The following ZZEF1 variants were observed in gnomAD, a reference collection of about 807,000 sequenced individuals.
ZZEF1 encodes the protein zinc finger ZZ-type and EF-hand domain containing 1.
Under a neutral mutation model 342.8 loss-of-function variants are expected in ZZEF1, and 157 were observed. That is an observed-to-expected ratio of 0.46 (90% CI 0.40 to 0.52). The LOEUF is 0.52. Ranked by LOEUF, ZZEF1 falls within the 20% of genes least tolerant of loss-of-function variation. ZZEF1 has a pLI of 0.00. For missense variants in ZZEF1, 3,480 were observed against 3,725.6 expected, an observed-to-expected ratio of 0.93 and a Z score of 1.72; for synonymous variants, 1,505 against 1,429.1, an observed-to-expected ratio of 1.05 and a Z score of -1.20.
chr17:4,115,603 C>T (rs1017035623), intron 3 of ZZEF1, among the ~76,000 whole-genome samples: 6 of 152,086 alleles, frequency 3.9e-5, no homozygotes, highest in Non-Finnish European at 8.8e-5. Context: ...GTGAAGGTTT[C>T]GGTGAGCCGG....
At chr17:4,076,380 G>A (rs1305681034) in intron 21 of ZZEF1, 2 of 239,686 alleles carry the variant, frequency 8.3e-6, no homozygotes, top group East Asian at 8.2e-5. Flanking sequence ...TGATCCGCCC[G>A]CCTCGGCCTC....
At position 4,034,166 on chromosome 17, in the gene ZZEF1, T is replaced by A. The variant is rs1407951919; in HGVS notation, c.6433A>T (p.Ile2145Phe). ...TCTACCTCTGCTGGCAAAAGACGGA[T>A]AATTAACTGGCCGAGAAGACCCAGG... The part of the protein sequence containing the change: ...LTLGLLGQLI[I>F]RLLPAEVDAA... The change falls in exon 40 of 55, where the codon ATC becomes TTC. Residue 2145 changes from isoleucine to phenylalanine, a missense_variant. By Grantham distance (21) the Ile-to-Phe change is conservative. Around this residue, in one of 5 missense-constraint regions of ZZEF1, gnomAD observed 1,269 missense variants for 1,342.4 expected, o/e 0.95. Transcript: ENST00000381638. 3.1e-6 allele frequency: 5 copies of A among 1,614,104 alleles called. No individual in the cohort carries two copies. The highest frequency in any genetic ancestry group is 4.2e-6 in the Non-Finnish European group (5 of 1,180,014).
intron 9 of ZZEF1, among the ~76,000 whole-genome samples, chr17:4,097,043 C>G (rs901024644): frequency 1.3e-5 from 2 of 151,900 alleles, no homozygotes; most frequent in African/African-American, 4.8e-5. Flanking sequence ...GGGTGGATCA[C>G]GAGATCAGGA....
intron 2 of ZZEF1, among the ~76,000 whole-genome samples, chr17:4,122,530 C>T (rs1185274066): frequency 6.6e-6 from 1 of 152,056 alleles, no homozygotes; most frequent in African/African-American, 2.4e-5. Flanking sequence ...CAGGCATGCA[C>T]CAACATGCCC....
chr17:4,140,877 A>T (rs1056100776), intron 1 of ZZEF1, among the ~76,000 whole-genome samples: 15 of 150,570 alleles, frequency 1.0e-4, no homozygotes, highest in African/African-American at 3.7e-4. Context: ...CCTGGGGGGA[A>T]AAAAAAAGGA....
chr17:4,085,240 A>G (rs1219482406), intron 16 of ZZEF1, among the ~76,000 whole-genome samples: 1 of 152,200 alleles, frequency 6.6e-6, no homozygotes, highest in Non-Finnish European at 1.5e-5. Flanking sequence ...AAGGGGGGTG[A>G]GGTACACTGT....
At chr17:4,013,668 A>G in intron 51 of ZZEF1, 54 bp from the exon 52 acceptor site, 9 of 1,483,164 alleles carry the variant, frequency 6.1e-6, no homozygotes, top group Non-Finnish European at 8.1e-6. Flanking sequence ...AATAAGTAAT[A>G]TTATTATTAA....
At chr17:4,026,521 TTC>T (rs2056408572) in intron 42 of ZZEF1, among the ~76,000 whole-genome samples, 1 of 151,406 alleles carries the variant, frequency 6.6e-6, no homozygotes, top group Non-Finnish European at 1.5e-5. Flanking sequence ...TCTTTTTTTT[TTC>T]TTTTTTTTTT....
chr17:4,141,081 G>T (rs894402335), intron 1 of ZZEF1, among the ~76,000 whole-genome samples: 8 of 151,904 alleles, frequency 5.3e-5, no homozygotes, highest in African/African-American at 1.9e-4. Flanking sequence ...GCTAATTTTT[G>T]TATTTTTAGT....
intron 2 of ZZEF1, among the ~76,000 whole-genome samples, chr17:4,122,696 A>G (rs573329775): frequency 2.6e-5 from 4 of 151,620 alleles, no homozygotes; most frequent in African/African-American, 9.7e-5. Context: ...GCATTGCTTA[A>G]TTTTAAGCTA....
rs202194161 is a variant in ZZEF1, at chr17:4,082,459, G to A, written c.2692C>T (p.Arg898Cys). 16 of 1,614,072 alleles carry A rather than the reference G, an allele frequency of 9.9e-6. No homozygotes were observed. Among genetic ancestry groups the A allele is most frequent in the Admixed American group, 6.7e-5 (4 of 60,024 alleles). The change falls in exon 17 of 55, where the codon CGT (arginine) becomes TGT (cysteine). Residue 898 changes from arginine to cysteine, a missense_variant. Transcript: ENST00000381638. Reference sequence around the variant, plus strand: ...TACCTAAAATACGTGCACAGTGAACGGAAAGTGAGCTGCAGGGACTGCTTG... The same window carrying A: ...TACCTAAAATACGTGCACAGTGAACAGAAAGTGAGCTGCAGGGACTGCTTG... ...EHKQSLQLTFRSLCTYFSDKD... is the reference protein window; with the variant it reads ...EHKQSLQLTFCSLCTYFSDKD...
At chr17:4,063,966 G>A (rs1299760394) in intron 29 of ZZEF1, among the ~76,000 whole-genome samples, 1 of 151,924 alleles carries the variant, frequency 6.6e-6, no homozygotes, top group Non-Finnish European at 1.5e-5. Context: ...GACCTCGGGT[G>A]ATCCACCTGC....
chr17:4,105,872 AACT>A, intron 6 of ZZEF1, 63 bp from the exon 7 acceptor site: 1 of 1,354,312 alleles, frequency 7.4e-7, no homozygotes, highest in East Asian at 2.3e-5. Flanking sequence ...ACAAAAAATA[AACT>A]GTTAGAAGCT....
intron 12 of ZZEF1, among the ~76,000 whole-genome samples, chr17:4,089,433 C>T (rs868577123): frequency 9.9e-5 from 15 of 152,186 alleles, no homozygotes; most frequent in Admixed American, 7.9e-4. Context: ...AAATATTTAC[C>T]GAGCACCTAC....
intron 39 of ZZEF1, among the ~76,000 whole-genome samples, chr17:4,040,950 G>C (rs1301161091): frequency 7.9e-5 from 12 of 152,192 alleles, no homozygotes; most frequent in Admixed American, 7.9e-4. Flanking sequence ...TATGGAAAAG[G>C]TGCAGCTCTA....
At chr17:4,074,688 G>GTA (rs2057574983) in intron 23 of ZZEF1, among the ~76,000 whole-genome samples, 1 of 152,232 alleles carries the variant, frequency 6.6e-6, no homozygotes, top group African/African-American at 2.4e-5. Flanking sequence ...GTCTGAGGCA[G>GTA]TACTAAACCT....
chr17:4,075,766 C>T (rs372706760), intron 21 of ZZEF1, among the ~76,000 whole-genome samples: 1 of 151,574 alleles, frequency 6.6e-6, no homozygotes, highest in Non-Finnish European at 1.5e-5. Context: ...CACATTCCTA[C>T]CTGGGACACT....
rs75752448 is a variant in ZZEF1, at chr17:4,106,807, G to T, written c.1278-998C>A. Among the ~76,000 whole-genome samples, 905 of 152,238 alleles carry T rather than the reference G, an allele frequency of 5.9e-3. 10 individuals carry two copies. The highest frequency in any genetic ancestry group is 0.02 in the African/African-American group (840 of 41,520). On this transcript the variant is annotated intron_variant, in intron 6 of 54. Transcript: ENST00000381638. ...TGAATGTACCATGAAAAATTTCAAG[G>T]TATTCTGTGAATGTATCAAAAGTAA...
intron 40 of ZZEF1, chr17:4,033,298 C>A (rs2056590544): frequency 1.0e-5 from 3 of 293,476 alleles, no homozygotes; most frequent in Non-Finnish European, 1.9e-5. Context: ...AGTGAGACAG[C>A]ACCAGATGTA....
Sources: gnomAD v4.1 joint callset for allele counts (sites outside exome capture counted in the v4.1 genomes callset) on GRCh38, gnomAD v4.1.1 for gene constraint, gnomAD v4.1.1 regional missense constraint, MANE v1.5 for transcripts, NCBI Gene and HGNC (gene_info 2026-07-23, HGNC 2026-07-21) for gene names.